Variants in SIX4 observed in about 807,000 individuals in gnomAD.
The protein encoded by SIX4 is homeobox protein SIX4.
A neutral mutation model predicts 51.5 loss-of-function variants in SIX4; 23 were observed. The ratio of observed to expected loss-of-function variants is 0.45; its 90% CI spans 0.32 to 0.63. The LOEUF (loss-of-function observed/expected upper bound fraction) is 0.63. Ranked by LOEUF, SIX4 falls within the 30% of genes least tolerant of loss-of-function variation. The pLI is 0.04. For missense variants in SIX4, 867 were observed against 984.0 expected, an observed-to-expected ratio of 0.88 and a Z score of 1.59; for synonymous variants, 413 against 417.3, an observed-to-expected ratio of 0.99 and a Z score of 0.13.
At chr14:60,715,132 T>G (rs987408607) in intron 2 of SIX4, among the ~76,000 whole-genome samples, 3 of 151,182 alleles carry the variant, frequency 2.0e-5, no homozygotes, top group African/African-American at 7.4e-5. Flanking sequence ...AGAAGCCAAG[T>G]GTGAAAAAAA....
At chr14:60,718,038 AATC>A in intron 2 of SIX4, 1 of 208,606 alleles carries the variant, frequency 4.8e-6, no homozygotes, top group South Asian at 7.8e-5. Context: ...TAATAATAAT[AATC>A]TTAGTTGCTC....
chr14:60,714,222 T>C lies in SIX4; in HGVS notation c.1550-19A>G, dbSNP rs1895877324. 6.5e-7 allele frequency: 1 copy of C among 1,536,954 alleles called. No individual in the cohort carries two copies. The highest frequency in any genetic ancestry group is 1.3e-5 in the South Asian group (1 of 78,990). On this transcript the variant is annotated intron_variant, in intron 2 of 2. Transcript: ENST00000216513. Reference sequence around the variant, plus strand: ...ATATTACCTAAAAAAAATAAAGTACTGATTATCACTGATGGAAGTGAGAGG... The same window carrying C: ...ATATTACCTAAAAAAAATAAAGTACCGATTATCACTGATGGAAGTGAGAGG...
chr14:60,721,865 C>T (rs929581436), intron 1 of SIX4, among the ~76,000 whole-genome samples: 1 of 152,238 alleles, frequency 6.6e-6, no homozygotes, highest in Non-Finnish European at 1.5e-5. Context: ...TGGACCTCTC[C>T]GCATATCTGC....
In SIX4 at chr14:60,723,961, G is replaced by GC. The variant is rs761252911; in HGVS notation, c.113dup (p.Ala39ArgfsTer251). On this transcript the variant is annotated frameshift_variant, in exon 1 of 3. Coordinates refer to ENST00000216513, the MANE Select transcript of SIX4 (RefSeq NM_017420.5). LOFTEE classifies it high-confidence loss of function. Reference sequence around the variant, plus strand: ...CCGGGGGGCTCAGCCCTACCGCCGCGCCCCCCGCCACTTCTCGGTGCGCCT... The same window carrying GC: ...CCGGGGGGCTCAGCCCTACCGCCGCGCCCCCCCGCCACTTCTCGGTGCGCCT... 8 of 1,503,958 alleles carry GC rather than the reference G, an allele frequency of 5.3e-6. No individual in the cohort carries two copies. Among genetic ancestry groups the GC allele is most frequent in the Non-Finnish European group, 5.3e-6 (6 of 1,132,072 alleles). 93.2% of individuals were successfully genotyped at this position (1,503,958 alleles called of 1,614,324 possible). A position where few individuals can be genotyped will look rare whatever the true frequency, so the allele number is the denominator to read the frequency against.
In SIX4 at chr14:60,720,438, C is replaced by T; in HGVS notation, c.871G>A (p.Asp291Asn). The T allele has an allele frequency of 6.2e-7, 1 of 1,612,190 alleles. No individual in the cohort carries two copies. The highest frequency in any genetic ancestry group is 8.5e-7 in the Non-Finnish European group (1 of 1,179,012). Reference protein sequence around the residue: ...PSETQSKSESDGNPSTEDESS... With the variant: ...PSETQSKSESNGNPSTEDESS... ...TCATCTTCAGTGCTGGGGTTGCCAT[C>T]TGACTCACTGTATGGAGGGGGAAAT... The change falls in exon 2 of 3, where the codon GAT becomes AAT. Residue 291 changes from aspartate (D) to asparagine (N), a missense_variant. Physicochemically the swap from Asp to Asn is conservative, Grantham distance 23. Coordinates refer to ENST00000216513, the MANE Select transcript of SIX4 (RefSeq NM_017420.5). The surrounding 1 kb of genome is among the most constrained non-coding windows in gnomAD (Gnocchi z 5.5).
chr14:60,713,269 A>C lies in SIX4; in HGVS notation c.*138T>G, dbSNP rs1171449488. 6.2e-6 allele frequency: 5 copies of C among 809,540 alleles called. No individual in the cohort carries two copies. In the African/African-American group the frequency reaches 8.6e-5, roughly 14 times the overall value. The allele number at this position is 809,540 out of a possible 1,614,324, so 50.1% of individuals were successfully genotyped here. A position where few individuals can be genotyped will look rare whatever the true frequency, so the allele number is the denominator to read the frequency against. Reference sequence around the variant, plus strand: ...ATACTTAACTGTGATCTTCATGCAGATCAATCTAAAGTCTCTTGTATGCAT... The same window carrying C: ...ATACTTAACTGTGATCTTCATGCAGCTCAATCTAAAGTCTCTTGTATGCAT... On this transcript the variant is annotated 3_prime_UTR_variant, in exon 3 of 3. Coordinates refer to ENST00000216513, the MANE Select transcript of SIX4 (RefSeq NM_017420.5).
chr14:60,720,883 A>T lies in SIX4; in HGVS notation c.864-438T>A. The T allele has an allele frequency of 2.4e-6, 2 of 844,266 alleles. No individual in the cohort carries two copies. The highest frequency in any genetic ancestry group is 2.9e-6 in the Non-Finnish European group (2 of 699,202). 52.3% of individuals were successfully genotyped at this position (844,266 alleles called of 1,614,324 possible). A position where few individuals can be genotyped will look rare whatever the true frequency, so the allele number is the denominator to read the frequency against. On this transcript the variant is annotated intron_variant, in intron 1 of 2. Transcript: ENST00000216513. This position sits in a 1 kb window ranked among gnomAD's most constrained non-coding sequence, Gnocchi z 5.5. The stretch of plus-strand genomic sequence containing the variant: ...CCTCAAACCAATTCAGATTAGTGTT[A>T]TCTTGGAGGTAAATGAAGCTGCCAA...
intron 2 of SIX4, among the ~76,000 whole-genome samples, chr14:60,718,995 A>C (rs190443939): frequency 6.6e-6 from 1 of 152,184 alleles, no homozygotes; most frequent in Non-Finnish European, 1.5e-5. Context: ...AATTCTAACC[A>C]TTTCTATTTC....
In SIX4 at chr14:60,719,441, G is replaced by A. The variant is rs1410900850; in HGVS notation, c.1549+319C>T. Among the ~76,000 whole-genome samples, 4 of 152,326 alleles carry A rather than the reference G, an allele frequency of 2.6e-5. No individual in the cohort carries two copies. In the East Asian group the frequency reaches 7.7e-4, roughly 29 times the overall value. ...ATTTTTAATATTAAAATGCCAAGCAGTGAGTTATTTTGTAAGCACTGATTG... is the reference window on the plus strand; with the variant it reads ...ATTTTTAATATTAAAATGCCAAGCAATGAGTTATTTTGTAAGCACTGATTG... On this transcript the variant is annotated intron_variant, in intron 2 of 2. Coordinates refer to ENST00000216513, the MANE Select transcript of SIX4 (RefSeq NM_017420.5). The surrounding 1 kb of genome is among the most constrained non-coding windows in gnomAD (Gnocchi z 4.9).
chr14:60,723,115 G>T, intron 1 of SIX4, 97 bp downstream of exon 1: 1 of 1,436,434 alleles, frequency 7.0e-7, no homozygotes, highest in East Asian at 2.6e-5. Context: ...GGCTGGTGGG[G>T]AAGGTAAGCG....
chr14:60,718,193 TTTTA>T (rs1354758073), intron 2 of SIX4, among the ~76,000 whole-genome samples: 1 of 152,124 alleles, frequency 6.6e-6, no homozygotes, highest in African/African-American at 2.4e-5. Flanking sequence ...CCCCAAAATG[TTTTA>T]TTGAGAACTG....
At position 60,717,442 on chromosome 14, in the gene SIX4, G is replaced by T. The variant is rs1395823673; in HGVS notation, c.1549+2318C>A. 6.6e-6 allele frequency among the ~76,000 whole-genome samples: 1 copy of T among 152,166 alleles called. No individual in the cohort carries two copies. Among genetic ancestry groups the T allele is most frequent in the Non-Finnish European group, 1.5e-5 (1 of 68,020 alleles). ...CTCAAATAGATGTTTAGTTTATTGT[G>T]TGTATGTTTATGAAATTGTTTGCCA... On this transcript the variant is annotated intron_variant, in intron 2 of 2. Coordinates refer to ENST00000216513, the MANE Select transcript of SIX4 (RefSeq NM_017420.5). This position sits in a 1 kb window ranked among gnomAD's most constrained non-coding sequence, Gnocchi z 4.6.
Position 60,713,381 on chromosome 14 carries a change from A to G in SIX4, c.*26T>C. 1.3e-6 allele frequency: 2 copies of G among 1,550,206 alleles called. No individual in the cohort carries two copies. Among genetic ancestry groups the G allele is most frequent in the South Asian group, 2.5e-5 (2 of 80,298 alleles). ...CATGAAAAGATTTGCCGCTGATGCC[A>G]AAAAGAGGTGAGGAGGAAATAAAGT... On this transcript the variant is annotated 3_prime_UTR_variant, in exon 3 of 3. Transcript: ENST00000216513.
chr14:60,715,604 A>G (rs1400925857), intron 2 of SIX4, among the ~76,000 whole-genome samples: 1 of 152,254 alleles, frequency 6.6e-6, no homozygotes, highest in Non-Finnish European at 1.5e-5. Context: ...GACTCTTACT[A>G]TAATGGTCTA....
At position 60,713,602 on chromosome 14, in the gene SIX4, C is replaced by G; in HGVS notation, c.2151G>C (p.Ser717=). The G allele has an allele frequency of 6.2e-7, 1 of 1,614,182 alleles. No homozygotes were observed. The highest frequency in any genetic ancestry group is 8.5e-7 in the Non-Finnish European group (1 of 1,180,034). ...FVQEHRLVLQ[S]VANMKENFLS... ...AGAAATTCTCTTTCATGTTAGCTACCGATTGCAGAACCAAACGATGTTCTT... is the reference window on the plus strand; with the variant it reads ...AGAAATTCTCTTTCATGTTAGCTACGGATTGCAGAACCAAACGATGTTCTT... The change falls in exon 3 of 3, where the codon TCG becomes TCC. Residue 717 remains serine (S), a synonymous_variant. Transcript: ENST00000216513.
chr14:60,724,117 CTT>C lies in SIX4; in HGVS notation c.-45_-44del, dbSNP rs765419797. 1.3e-5 allele frequency: 21 copies of C among 1,598,584 alleles called. No homozygotes were observed. The highest frequency in any genetic ancestry group is 6.8e-6 in the Non-Finnish European group (8 of 1,171,716). On this transcript the variant is annotated 5_prime_UTR_variant, in exon 1 of 3. Coordinates refer to ENST00000216513, the MANE Select transcript of SIX4 (RefSeq NM_017420.5). ...CCTCCCTCCCTCACTCCCTCGCACT[CTT>C]TTCCTCTTTCTTTCCTCCTCTCTTA...
Position 60,723,684 on chromosome 14 carries a change from G to C in SIX4, c.391C>G (p.Arg131Gly), listed in dbSNP as rs551373303. 3.8e-6 allele frequency: 6 copies of C among 1,571,918 alleles called. No individual in the cohort carries two copies. Among genetic ancestry groups the C allele is most frequent in the Non-Finnish European group, 4.3e-6 (5 of 1,160,304 alleles). ...CTCTGGGGCAGGGACCACAGGAACCGGGCCAGGCGGTCCAGGTTGCCCCCC... is the reference window on the plus strand; with the variant it reads ...CTCTGGGGCAGGGACCACAGGAACCCGGCCAGGCGGTCCAGGTTGCCCCCC... Reference protein sequence around the residue: ...QQGGNLDRLARFLWSLPQSDL... With the variant: ...QQGGNLDRLAGFLWSLPQSDL... Residue 131 changes from arginine (R) to glycine (G), a missense_variant, in exon 1 of 3, where the codon CGG becomes GGG. Physicochemically the swap from Arg to Gly is moderately radical, Grantham distance 125. Coordinates refer to ENST00000216513, the MANE Select transcript of SIX4 (RefSeq NM_017420.5).
rs778647376 is a variant in SIX4 at position 60,724,018 on chromosome 14, C to A, written c.57G>T (p.Glu19Asp). Residue 19 changes from glutamate to aspartate, a missense_variant, in exon 1 of 3, where the codon GAG becomes GAT. Glu to Asp is a conservative substitution (Grantham distance 45). Coordinates refer to ENST00000216513, the MANE Select transcript of SIX4 (RefSeq NM_017420.5). Reference sequence around the variant, plus strand: ...CTTCCGAGGCGCTTTCCATCCCATTCTCTTGCTTGATGTCCGCCGCACTTG... The same window carrying A: ...CTTCCGAGGCGCTTTCCATCCCATTATCTTGCTTGATGTCCGCCGCACTTG... Reference protein sequence around the residue: ...QIASAADIKQENGMESASEGQ... With the variant: ...QIASAADIKQDNGMESASEGQ... 11 of 1,525,500 alleles carry A rather than the reference C, an allele frequency of 7.2e-6. No homozygotes were observed. The East Asian group carries it at 2.3e-4, about 32-fold the overall frequency. 94.5% of individuals were successfully genotyped at this position (1,525,500 alleles called of 1,614,324 possible).
rs1222391799 is a variant in SIX4, at chr14:60,717,815, C to T, written c.1549+1945G>A. Reference sequence around the variant, plus strand: ...TGAGCAGATCACAGGAGTTCAAGACCAGCCTGGCCAACATAGCAAAACCCT... The same window carrying T: ...TGAGCAGATCACAGGAGTTCAAGACTAGCCTGGCCAACATAGCAAAACCCT... On this transcript the variant is annotated intron_variant, in intron 2 of 2. Coordinates refer to ENST00000216513, the MANE Select transcript of SIX4 (RefSeq NM_017420.5). The surrounding 1 kb of genome is among the most constrained non-coding windows in gnomAD (Gnocchi z 4.6). 6.6e-6 allele frequency among the ~76,000 whole-genome samples: 1 copy of T among 151,888 alleles called. No homozygotes were observed. The highest frequency in any genetic ancestry group is 2.4e-5 in the African/African-American group (1 of 41,332).
Sources: gnomAD v4.1 joint callset for allele counts (sites outside exome capture counted in the v4.1 genomes callset) on GRCh38, gnomAD v4.1.1 for gene constraint, Gnocchi (gnomAD v3.1) non-coding constraint, MANE v1.5 for transcripts, NCBI Gene and HGNC (gene_info 2026-07-23, HGNC 2026-07-21) for gene names.